RGS7: variants seen among roughly 807,000 people sequenced by gnomAD.
The protein encoded by RGS7 is regulator of G protein signaling 7, also known as regulator of G-protein signaling 7.
In RGS7, 27 loss-of-function variants were observed where a neutral mutation model predicts 81.1. That is an observed-to-expected ratio of 0.33 (90% CI 0.25 to 0.46). RGS7 has a LOEUF of 0.46. Among genes scored for constraint, RGS7 ranks in the 20% least tolerant of loss-of-function variants. The pLI, the probability that RGS7 is intolerant of heterozygous loss-of-function variation, is 1.00. For synonymous variants in RGS7, 208 were observed against 207.7 expected (o/e 1.00, Z -0.01); for missense variants, 396 against 607.4 (o/e 0.65, Z 3.66).
chr1:240,964,047 A>G (rs1388134219), intron 4 of RGS7, among the ~76,000 whole-genome samples: 1 of 152,304 alleles, frequency 6.6e-6, no homozygotes, highest in Non-Finnish European at 1.5e-5. Context: ...ATGAAACAAC[A>G]CTGAGGTGGT....
intron 2 of RGS7, among the ~76,000 whole-genome samples, chr1:241,145,115 C>G (rs2068218617): frequency 2.0e-5 from 3 of 151,802 alleles, no homozygotes; most frequent in South Asian, 4.2e-4. Context: ...CTCCTCAGTT[C>G]AAGCGATTCT....
At chr1:240,807,345 C>T (rs35914289) in intron 14 of RGS7, among the ~76,000 whole-genome samples, 9,085 of 152,172 alleles carry the variant, frequency 0.06, 328 homozygotes, top group Middle Eastern at 0.085. Context: ...ACTGTGTTAT[C>T]CTCCATAAAC....
At chr1:240,929,219 A>C (rs1674991529) in intron 6 of RGS7, among the ~76,000 whole-genome samples, 1 of 152,160 alleles carries the variant, frequency 6.6e-6, no homozygotes, top group African/African-American at 2.4e-5. Context: ...GCTCCCTCTT[A>C]GCTGTTCCAG....
intron 7 of RGS7, 148 bp downstream of exon 7, chr1:240,869,907 T>A: frequency 1.3e-6 from 1 of 768,968 alleles, no homozygotes; most frequent in Admixed American, 1.9e-5. Flanking sequence ...GCCACTGCAC[T>A]CTAGCCTGGG....
chr1:240,936,450 T>C, intron 5 of RGS7, 150 bp downstream of exon 5: 1 of 652,344 alleles, frequency 1.5e-6, no homozygotes, highest in East Asian at 2.7e-5. Flanking sequence ...GCTTTTTATG[T>C]CTTTAGTTTA....
At chr1:241,132,738 A>ATTATTTAT (rs142162115) in intron 2 of RGS7, among the ~76,000 whole-genome samples, 146 of 142,664 alleles carry the variant, frequency 1.0e-3, no homozygotes, top group African/African-American at 3.7e-3. Flanking sequence ...AATTCAACTT[A>ATTATTTAT]TTATTTGTTT....
At chr1:240,977,091 T>C (rs994281770) in intron 4 of RGS7, among the ~76,000 whole-genome samples, 1 of 133,722 alleles carries the variant, frequency 7.5e-6, no homozygotes, top group Non-Finnish European at 1.6e-5. Context: ...TATCCATCTG[T>C]ACACACACAC....
chr1:240,861,992 G>A (rs1662287081), intron 9 of RGS7, among the ~76,000 whole-genome samples: 1 of 152,038 alleles, frequency 6.6e-6, no homozygotes, highest in Non-Finnish European at 1.5e-5. Flanking sequence ...TTAAATTATT[G>A]AAACATTAAA....
chr1:240,903,116 G>A (rs1163115112), intron 6 of RGS7, among the ~76,000 whole-genome samples: 1 of 152,184 alleles, frequency 6.6e-6, no homozygotes, highest in Non-Finnish European at 1.5e-5. Context: ...AGACCATGCT[G>A]CACAGAATTA....
chr1:241,352,293 C>G (rs1171885863), intron 2 of RGS7, among the ~76,000 whole-genome samples: 1 of 152,190 alleles, frequency 6.6e-6, no homozygotes, highest in Non-Finnish European at 1.5e-5. Flanking sequence ...CAGTTGATTA[C>G]TACTAGTTCT....
intron 6 of RGS7, among the ~76,000 whole-genome samples, chr1:240,917,792 G>T (rs574436770): frequency 6.6e-6 from 1 of 152,176 alleles, no homozygotes; most frequent in South Asian, 2.1e-4. Flanking sequence ...AAATGTGAAT[G>T]ATATACATCA....
chr1:240,880,669 C>A (rs1054685636), intron 6 of RGS7, among the ~76,000 whole-genome samples: 2 of 152,304 alleles, frequency 1.3e-5, no homozygotes, highest in Admixed American at 1.3e-4. Context: ...TTTCTGCCCT[C>A]CCAGGACCCA....
intron 2 of RGS7, among the ~76,000 whole-genome samples, chr1:241,246,277 T>G (rs1413784573): frequency 6.6e-6 from 1 of 151,906 alleles, no homozygotes; most frequent in East Asian, 1.9e-4. Context: ...GATATAATTA[T>G]AGAAGGGAAG....
intron 2 of RGS7, among the ~76,000 whole-genome samples, chr1:241,140,604 A>G (rs951476173): frequency 1.3e-5 from 2 of 151,908 alleles, no homozygotes; most frequent in African/African-American, 4.8e-5. Context: ...GGGTCTTCCT[A>G]CTTCCTATGT....
At chr1:241,194,175 T>C (rs1472157519) in intron 2 of RGS7, among the ~76,000 whole-genome samples, 2 of 152,228 alleles carry the variant, frequency 1.3e-5, no homozygotes, top group Non-Finnish European at 2.9e-5. Context: ...TAATTTTCTT[T>C]ACTTAATTTT....
chr1:241,216,611 T>C (rs1242049842), intron 2 of RGS7, among the ~76,000 whole-genome samples: 3 of 152,226 alleles, frequency 2.0e-5, no homozygotes, highest in Non-Finnish European at 4.4e-5. Context: ...CTATTGAACA[T>C]GTCTATCCCA....
intron 2 of RGS7, among the ~76,000 whole-genome samples, chr1:241,320,649 G>A (rs530691537): frequency 1.3e-5 from 2 of 152,292 alleles, no homozygotes; most frequent in South Asian, 4.1e-4. Context: ...ATTAACTGAT[G>A]GCATTGTAAG....
At chr1:241,196,554 A>G (rs1381373163) in intron 2 of RGS7, among the ~76,000 whole-genome samples, 2 of 149,384 alleles carry the variant, frequency 1.3e-5, no homozygotes, top group Non-Finnish European at 3.0e-5. Context: ...TTTATCTGAT[A>G]GGAACTTTAA....
At chr1:240,917,551 A>G (rs1173993197) in intron 6 of RGS7, among the ~76,000 whole-genome samples, 1 of 152,184 alleles carries the variant, frequency 6.6e-6, no homozygotes, top group Non-Finnish European at 1.5e-5. Flanking sequence ...CTAAAAATGG[A>G]CTTGGATTCG....
Sources: gnomAD v4.1 joint callset for allele counts (sites outside exome capture counted in the v4.1 genomes callset) on GRCh38, gnomAD v4.1.1 for gene constraint, MANE v1.5 for transcripts, NCBI Gene and HGNC (gene_info 2026-07-23, HGNC 2026-07-21) for gene names.